Variants in DNM3 observed in about 807,000 individuals in gnomAD.
The protein encoded by DNM3 is dynamin 3, also known as dynamin-3.
A neutral mutation model predicts 101.6 loss-of-function variants in DNM3; 47 were observed. The ratio of observed to expected loss-of-function variants is 0.46; its 90% CI spans 0.37 to 0.59. The LOEUF is 0.59. Among genes scored for constraint, DNM3 ranks in the 20% least tolerant of loss-of-function variants. DNM3 has a pLI of 0.00. For synonymous variants in DNM3, 385 were observed against 387.9 expected, an observed-to-expected ratio of 0.99 and a Z score of 0.09; for missense variants, 849 against 1,085.7, an observed-to-expected ratio of 0.78 and a Z score of 3.06.
chr1:171,962,459 T>C (rs1199964113), intron 2 of DNM3, among the ~76,000 whole-genome samples: 1 of 152,152 alleles, frequency 6.6e-6, no homozygotes, highest in Non-Finnish European at 1.5e-5. Context: ...GTCACTATCT[T>C]AGTCAATTTG....
intron 1 of DNM3, among the ~76,000 whole-genome samples, chr1:171,861,844 A>T (rs143332679): frequency 1.4e-3 from 206 of 152,306 alleles, no homozygotes; most frequent in African/African-American, 4.7e-3. Context: ...TATATATGTG[A>T]TAGGGAACTA....
chr1:172,054,894 G>A (rs954698214), intron 10 of DNM3, among the ~76,000 whole-genome samples: 1 of 152,068 alleles, frequency 6.6e-6, no homozygotes, highest in Non-Finnish European at 1.5e-5. Flanking sequence ...GGGAAGCGGC[G>A]GTTGCAGTGA....
intron 4 of DNM3, among the ~76,000 whole-genome samples, chr1:172,019,419 T>C (rs1572109594): frequency 1.5e-5 from 1 of 65,454 alleles, no homozygotes; most frequent in South Asian, 3.5e-4. Context: ...TTATTTTTGC[T>C]TTTTTTTTTT....
chr1:172,035,447 G>C (rs1195165596), intron 6 of DNM3, among the ~76,000 whole-genome samples: 2 of 152,060 alleles, frequency 1.3e-5, no homozygotes, highest in African/African-American at 4.8e-5. Flanking sequence ...AGAGGCCTTG[G>C]ACCCAGATTT....
chr1:171,845,845 C>T (rs866030298), intron 1 of DNM3, among the ~76,000 whole-genome samples: 4 of 152,110 alleles, frequency 2.6e-5, no homozygotes, highest in East Asian at 3.8e-4. Context: ...TAAAATGACA[C>T]GCTTGTTAGA....
intron 1 of DNM3, among the ~76,000 whole-genome samples, chr1:171,900,442 G>A (rs1343483762): frequency 1.3e-5 from 2 of 152,250 alleles, no homozygotes; most frequent in Non-Finnish European, 1.5e-5. Flanking sequence ...AGGAGGCAAG[G>A]AGTTGGAGGA....
intron 2 of DNM3, among the ~76,000 whole-genome samples, chr1:171,940,927 C>T (rs2041767770): frequency 6.6e-6 from 1 of 151,988 alleles, no homozygotes; most frequent in South Asian, 2.1e-4. Context: ...ATGATACTGG[C>T]TTATTTTGAT....
chr1:172,193,364 G>A (rs1031975162), intron 14 of DNM3, among the ~76,000 whole-genome samples: 9 of 152,134 alleles, frequency 5.9e-5, no homozygotes, highest in Middle Eastern at 3.2e-3. Context: ...TTAGGATGAT[G>A]TTGGCCTCAT....
intron 12 of DNM3, among the ~76,000 whole-genome samples, chr1:172,087,533 T>C (rs1464842703): frequency 1.3e-5 from 2 of 152,210 alleles, no homozygotes; most frequent in East Asian, 3.8e-4. Context: ...TCTGCTCTTA[T>C]AATTTTTAAC....
intron 17 of DNM3, among the ~76,000 whole-genome samples, chr1:172,334,604 T>C (rs1287289394): frequency 6.6e-6 from 1 of 152,216 alleles, no homozygotes; most frequent in African/African-American, 2.4e-5. Context: ...TCACTTAGGA[T>C]TGGATGAAGA....
intron 20 of DNM3, among the ~76,000 whole-genome samples, chr1:172,418,096 A>G (rs1484230572): frequency 6.6e-6 from 1 of 152,174 alleles, no homozygotes; most frequent in Non-Finnish European, 1.5e-5. Flanking sequence ...TAACTTAGCT[A>G]TGTGATGTCC....
At chr1:172,339,187 A>C (rs912948738) in intron 17 of DNM3, 1 of 325,230 alleles carries the variant, frequency 3.1e-6, no homozygotes. Context: ...TTTACAGTCT[A>C]CCTCTAACTA....
At position 171,942,869 on chromosome 1, in the gene DNM3, T is replaced by C. The variant is rs1333843387; in HGVS notation, c.235+21048T>C. Among the ~76,000 whole-genome samples, 3 of 152,094 alleles carry C rather than the reference T, an allele frequency of 2.0e-5. No homozygotes were observed. In the East Asian group the frequency reaches 5.8e-4, roughly 29 times the overall value. ...GCTCATGCCTCCAATCCCAGCACTT[T>C]GGGAAGCTGAGGCAGGAGGACTGCT... On this transcript the variant is annotated intron_variant, in intron 2 of 20. Transcript: ENST00000627582.
At chr1:171,876,974 A>G (rs1229399895) in intron 1 of DNM3, among the ~76,000 whole-genome samples, 1 of 152,204 alleles carries the variant, frequency 6.6e-6, no homozygotes, top group African/African-American at 2.4e-5. Context: ...CATGTGAAAT[A>G]CTTGTGTTCT....
chr1:172,356,040 T>C (rs1057011961), intron 17 of DNM3, among the ~76,000 whole-genome samples: 4 of 151,968 alleles, frequency 2.6e-5, no homozygotes, highest in African/African-American at 9.7e-5. Context: ...CCAGAAATAA[T>C]GGAATCATCT....
At chr1:172,126,077 G>A (rs1314636819) in intron 13 of DNM3, among the ~76,000 whole-genome samples, 1 of 151,878 alleles carries the variant, frequency 6.6e-6, no homozygotes, top group Non-Finnish European at 1.5e-5. Flanking sequence ...CTTTGATTTT[G>A]CAGCTTCTTT....
chr1:172,067,103 G>A (rs1187342489), intron 10 of DNM3, among the ~76,000 whole-genome samples: 1 of 152,032 alleles, frequency 6.6e-6, no homozygotes, highest in Non-Finnish European at 1.5e-5. Flanking sequence ...CTCACCTGTA[G>A]TAAGTCTTAT....
At position 172,408,281 on chromosome 1, in the gene DNM3, A is replaced by T. The variant is rs2149131134; in HGVS notation, c.*440A>T. ...GATGACAGTAATTCTGTTGTCTACC[A>T]TTAATGCTACTACCTACTCCATAAT... On this transcript the variant is annotated 3_prime_UTR_variant, in exon 21 of 21. Transcript: ENST00000627582. 1 of 989,552 alleles carries T rather than the reference A, an allele frequency of 1.0e-6. No homozygotes were observed. Among genetic ancestry groups the T allele is most frequent in the South Asian group, 4.6e-5 (1 of 21,546 alleles). 61.3% of individuals were successfully genotyped at this position (989,552 alleles called of 1,614,324 possible).
chr1:172,142,532 T>C lies in DNM3; in HGVS notation c.1659+11244T>C, dbSNP rs184019339. Among the ~76,000 whole-genome samples the C allele has an allele frequency of 3.7e-3, 561 of 152,230 alleles. 9 individuals are homozygous for C. Among genetic ancestry groups the C allele is most frequent in the Admixed American group, 0.033 (499 of 15,278 alleles). On this transcript the variant is annotated intron_variant, in intron 14 of 20. Transcript: ENST00000627582. ...TTATCCTTTTACAAAGTAATTCTTA[T>C]ATTTCTACTCCTGTACTTATGCCAG...
Sources: allele counts gnomAD v4.1 joint callset (sites outside exome capture counted in the v4.1 genomes callset), GRCh38; gene constraint gnomAD v4.1.1; transcripts MANE v1.5; gene names NCBI Gene and HGNC (gene_info 2026-07-23, HGNC 2026-07-21).